The following OR1J2 variants were observed in gnomAD, a reference collection of about 807,000 sequenced individuals.
OR1J2 encodes the protein olfactory receptor family 1 subfamily J member 2.
For missense variants in OR1J2, 304 were observed against 246.1 expected, an observed-to-expected ratio of 1.24 and a Z score of -1.57; for synonymous variants, 142 against 99.7, an observed-to-expected ratio of 1.42 and a Z score of -2.52.
At chr9:122,482,940 C>G in the OR1J2 span, among the ~76,000 whole-genome samples, 1 of 152,068 alleles carries the variant, frequency 6.6e-6, no homozygotes, top group Non-Finnish European at 1.5e-5. Flanking sequence ...TTGTCATGCT[C>G]TATTGTACAG....
At chr9:122,526,489 C>G in the OR1J2 span, 7 of 1,577,848 alleles carry the variant, frequency 4.4e-6, no homozygotes, top group Admixed American at 1.2e-4. Flanking sequence ...GCTGCAATGT[C>G]CTTCTCTTCA....
chr9:122,465,588 A>G, the OR1J2 span, among the ~76,000 whole-genome samples: 1 of 152,248 alleles, frequency 6.6e-6, no homozygotes, highest in Non-Finnish European at 1.5e-5. Flanking sequence ...GAACAAAATT[A>G]GAAGACTGTG....
chr9:122,535,322 G>A, the OR1J2 span, among the ~76,000 whole-genome samples: 439 of 152,210 alleles, frequency 2.9e-3, 1 homozygote, highest in African/African-American at 9.5e-3. Flanking sequence ...CAAGGCCGGC[G>A]TCCCTGCGTG....
chr9:122,546,403 G>T, the OR1J2 span, among the ~76,000 whole-genome samples: 1 of 152,134 alleles, frequency 6.6e-6, no homozygotes, highest in South Asian at 2.1e-4. Flanking sequence ...GCTAGTTTGG[G>T]AAGCTTATGA....
chr9:122,460,598 T>C, the OR1J2 span, among the ~76,000 whole-genome samples: 23 of 152,116 alleles, frequency 1.5e-4, no homozygotes, highest in Admixed American at 7.9e-4. Flanking sequence ...ATGTGTGCTC[T>C]TTTTTTGGTT....
chr9:122,567,766 C>T, the OR1J2 span: 2 of 1,613,948 alleles, frequency 1.2e-6, no homozygotes, highest in Non-Finnish European at 1.7e-6. Flanking sequence ...GTGGAGAAGG[C>T]TTTGCGTTTC....
At chr9:122,567,289 G>C in the OR1J2 span, 1 of 349,692 alleles carries the variant, frequency 2.9e-6, no homozygotes, top group Admixed American at 4.2e-5. Flanking sequence ...TTAGATTAAA[G>C]CAGTTTTTGG....
At chr9:122,520,084 A>G in the OR1J2 span, 2 of 1,601,484 alleles carry the variant, frequency 1.2e-6, no homozygotes, top group Middle Eastern at 1.7e-4. Flanking sequence ...TCTCAATGAC[A>G]TTTACTCTTC....
chr9:122,577,178 CT>C, the OR1J2 span, among the ~76,000 whole-genome samples: 10 of 151,878 alleles, frequency 6.6e-5, no homozygotes, highest in Non-Finnish European at 1.0e-4. Context: ...ATGACCTAGT[CT>C]TTTTTTTAAC....
chr9:122,469,768 T>C, the OR1J2 span, among the ~76,000 whole-genome samples: 1 of 152,192 alleles, frequency 6.6e-6, no homozygotes, highest in Non-Finnish European at 1.5e-5. Flanking sequence ...TGGTCTCAGA[T>C]GGAGATGAGT....
At chr9:122,477,221 T>C in the OR1J2 span, 2 of 1,614,164 alleles carry the variant, frequency 1.2e-6, no homozygotes, top group Non-Finnish European at 1.7e-6. Context: ...GACAAGGCTT[T>C]GCATATGCCC....
At chr9:122,524,640 A>G in the OR1J2 span, among the ~76,000 whole-genome samples, 7 of 152,300 alleles carry the variant, frequency 4.6e-5, no homozygotes, top group Middle Eastern at 3.4e-3. Flanking sequence ...GGATTCATAA[A>G]TTTACCGCAC....
At chr9:122,537,020 G>T in the OR1J2 span, among the ~76,000 whole-genome samples, 1 of 152,204 alleles carries the variant, frequency 6.6e-6, no homozygotes, top group Non-Finnish European at 1.5e-5. Context: ...ACAAGCCACA[G>T]ATAAAACCTC....
At chr9:122,464,084 A>G in the OR1J2 span, among the ~76,000 whole-genome samples, 1 of 152,112 alleles carries the variant, frequency 6.6e-6, no homozygotes, top group Non-Finnish European at 1.5e-5. Context: ...GGCATGTCTG[A>G]GCTCAGGCTC....
At chr9:122,494,771 C>T in the OR1J2 span, among the ~76,000 whole-genome samples, 14 of 152,116 alleles carry the variant, frequency 9.2e-5, 1 homozygote, top group Admixed American at 5.9e-4. Context: ...GTTATTGTTA[C>T]GTAGGTCCTG....
At chr9:122,561,084 A>C in the OR1J2 span, among the ~76,000 whole-genome samples, 1 of 152,134 alleles carries the variant, frequency 6.6e-6, no homozygotes, top group Non-Finnish European at 1.5e-5. Flanking sequence ...GATGGTCTTC[A>C]AACTCTGATA....
At chr9:122,520,139 C>A in the OR1J2 span, 1 of 1,292,220 alleles carries the variant, frequency 7.7e-7, no homozygotes, top group Non-Finnish European at 1.1e-6. Flanking sequence ...ATCATAGATC[C>A]TTACTTCTGA....
Position 122,510,939 on chromosome 9 carries a change from G to A in OR1J2, c.138G>A (p.Met46Ile), listed in dbSNP as rs779571149. 1.2e-6 allele frequency: 2 copies of A among 1,612,504 alleles called. No homozygotes were observed. Among genetic ancestry groups the A allele is most frequent in the African/African-American group, 2.7e-5 (2 of 74,954 alleles). ...CGGTGCTGGGGAACCTGCTCATCAT[G>A]CTGCTCATCCAGCTGGACTCTCACC... ...LTTVLGNLLI[M>I]LLIQLDSHLH... is the part of the protein sequence containing the mutation. The change falls in exon 1 of 1, where the codon ATG becomes ATA. Residue 46 changes from methionine to isoleucine, a missense_variant. Transcript: ENST00000335302.
At chr9:122,511,842 C>G, downstream of OR1J2, 1 of 685,382 alleles carries the variant, frequency 1.5e-6, no homozygotes, top group Admixed American at 2.3e-5. Flanking sequence ...TCCTGAAGCC[C>G]TAAGACAAAT....
Sources: allele counts gnomAD v4.1 joint callset (sites outside exome capture counted in the v4.1 genomes callset), GRCh38; gene constraint gnomAD v4.1.1; transcripts MANE v1.5; gene names NCBI Gene and HGNC (gene_info 2026-07-23, HGNC 2026-07-21).